Variants in EXOC5 observed in about 807,000 individuals in gnomAD.
EXOC5 encodes SEC10-like 1.
A neutral mutation model predicts 90.8 loss-of-function variants in EXOC5; 17 were observed. The ratio of observed to expected loss-of-function variants is 0.19; its 90% CI spans 0.13 to 0.28. The LOEUF (loss-of-function observed/expected upper bound fraction) is 0.28. Ranked by LOEUF, EXOC5 falls within the 10% of genes least tolerant of loss-of-function variation. The pLI is 1.00. For missense variants in EXOC5, 569 were observed against 830.6 expected (o/e 0.69, Z 3.87); for synonymous variants, 260 against 270.0 (o/e 0.96, Z 0.36).
At chr14:57,222,762 C>CACATATAT (rs1436534771) in intron 12 of EXOC5, among the ~76,000 whole-genome samples, 2 of 135,214 alleles carry the variant, frequency 1.5e-5, no homozygotes, top group African/African-American at 6.7e-5. Context: ...CACACACACA[C>CACATATAT]ATATATATAT....
intron 13 of EXOC5, among the ~76,000 whole-genome samples, chr14:57,220,796 T>C (rs919374492): frequency 6.6e-6 from 1 of 152,042 alleles, no homozygotes; most frequent in Non-Finnish European, 1.5e-5. Context: ...CGAGATTCTG[T>C]CTCAAAAATA....
At chr14:57,217,425 C>T (rs1280917482) in intron 15 of EXOC5, among the ~76,000 whole-genome samples, 1 of 152,092 alleles carries the variant, frequency 6.6e-6, no homozygotes, top group African/African-American at 2.4e-5. Context: ...TTTGGTAATC[C>T]TTACAATATT....
chr14:57,268,768 G>C lies in EXOC5; in HGVS notation c.-120C>G. ...GCCAGCTCCGGCTCCGGGCCGCTGC[G>C]GGCTCCCCAGCTCCCCACAGATCCC... is the stretch of plus-strand genomic sequence containing the variant. On this transcript the variant is annotated 5_prime_UTR_variant, in exon 1 of 18. Transcript: ENST00000621441. The C allele has an allele frequency of 6.9e-7, 1 of 1,458,128 alleles. No individual in the cohort carries two copies. The highest frequency in any genetic ancestry group is 9.0e-7 in the Non-Finnish European group (1 of 1,110,260). 90.3% of individuals were successfully genotyped at this position (1,458,128 alleles called of 1,614,324 possible).
Position 57,206,930 on chromosome 14 carries a change from T to TAATA in EXOC5, c.*1678_*1679insTATT, listed in dbSNP as rs1465331664. ...ACTACTGCCTTAAAATTGTTGGCTT[T>TAATA]AAGTAACAGAGGTAAAATTTGAATT... On this transcript the variant is annotated 3_prime_UTR_variant, in exon 18 of 18. Coordinates refer to ENST00000621441, the MANE Select transcript of EXOC5 (RefSeq NM_006544.4). The TAATA allele has an allele frequency of 6.6e-6, 1 of 152,460 alleles. No homozygotes were observed. The highest frequency in any genetic ancestry group is 1.5e-5 in the Non-Finnish European group (1 of 67,940). 9.4% of individuals were successfully genotyped at this position (152,460 alleles called of 1,614,324 possible).
Position 57,231,545 on chromosome 14 carries a change from T to C in EXOC5, c.1109A>G (p.Asp370Gly). Residue 370 changes from aspartate (D) to glycine (G), a missense_variant, in exon 11 of 18, where the codon GAT (aspartate) becomes GGT (glycine). Transcript: ENST00000621441. The part of the protein sequence containing the change: ...RSAMILQRYY[D>G]SKNHQKRSIG... ...GGATCTCTTTTGATGGTTTTTCGAA[T>C]CATAATAGCGCTGTAGGATCATAGC... The C allele has an allele frequency of 6.2e-7, 1 of 1,611,864 alleles. No individual in the cohort carries two copies. The highest frequency in any genetic ancestry group is 1.7e-5 in the Admixed American group (1 of 59,934).
chr14:57,230,601 C>T (rs2139633895), intron 11 of EXOC5, among the ~76,000 whole-genome samples: 1 of 152,228 alleles, frequency 6.6e-6, no homozygotes, highest in Non-Finnish European at 1.5e-5. Flanking sequence ...TCGATATATA[C>T]ATGTGGGGAT....
intron 15 of EXOC5, 91 bp downstream of exon 15, chr14:57,217,891 T>G: frequency 1.4e-6 from 1 of 703,346 alleles, no homozygotes; most frequent in Admixed American, 2.7e-5. Flanking sequence ...TTAAGATAAA[T>G]ATTTTTCTTC....
At chr14:57,268,442 C>A in intron 1 of EXOC5, 180 bp downstream of exon 1, 1 of 1,476,974 alleles carries the variant, frequency 6.8e-7, no homozygotes, top group Non-Finnish European at 9.0e-7. Context: ...CCCAAGCACC[C>A]CTCCCCCATT....
intron 10 of EXOC5, 88 bp downstream of exon 10, chr14:57,232,579 A>G: frequency 1.7e-6 from 1 of 587,210 alleles, no homozygotes. Context: ...TGACAAACTT[A>G]TTCAAAAATA....
chr14:57,221,797 T>C (rs1883148493), intron 13 of EXOC5, among the ~76,000 whole-genome samples: 1 of 152,160 alleles, frequency 6.6e-6, no homozygotes, highest in African/African-American at 2.4e-5. Context: ...TTGGATATGT[T>C]AAGTTTGAGA....
At chr14:57,227,976 G>A (rs914355153) in intron 12 of EXOC5, among the ~76,000 whole-genome samples, 6 of 126,588 alleles carry the variant, frequency 4.7e-5, no homozygotes, top group East Asian at 2.3e-4. Flanking sequence ...ACACACACAC[G>A]TATGTAAACT....
chr14:57,244,817 TA>T (rs1417944765), intron 3 of EXOC5, among the ~76,000 whole-genome samples: 1 of 152,052 alleles, frequency 6.6e-6, no homozygotes, highest in Non-Finnish European at 1.5e-5. Flanking sequence ...GACAACATGG[TA>T]AAACCCAATC....
Position 57,206,426 on chromosome 14 carries a change from T to A in EXOC5, c.*2183A>T, listed in dbSNP as rs528521902. Reference sequence around the variant, plus strand: ...AGAAAGACCATCTGTTTAGGATAAATTTCTAGTCTTGTTTATATAGTCAAG... The same window carrying A: ...AGAAAGACCATCTGTTTAGGATAAAATTCTAGTCTTGTTTATATAGTCAAG... On this transcript the variant is annotated 3_prime_UTR_variant, in exon 18 of 18. Transcript: ENST00000621441. 108 of 153,094 alleles carry A rather than the reference T, an allele frequency of 7.1e-4. No individual in the cohort carries two copies. The highest frequency in any genetic ancestry group is 2.4e-3 in the African/African-American group (99 of 41,548). The allele number at this position is 153,094 out of a possible 1,614,324, so 9.5% of individuals were successfully genotyped here.
rs116089235 is a variant in EXOC5 at position 57,255,015 on chromosome 14, T to C, written c.28-7303A>G. 2.3e-3 allele frequency among the ~76,000 whole-genome samples: 354 copies of C among 152,310 alleles called. 2 individuals carry two copies. The highest frequency in any genetic ancestry group is 8.0e-3 in the African/African-American group (332 of 41,572). On this transcript the variant is annotated intron_variant, in intron 1 of 17. Coordinates refer to ENST00000621441, the MANE Select transcript of EXOC5 (RefSeq NM_006544.4). ...AACTGGATGCAAAGTATGAAGTTCTTTGTATAACATGTTAGCACCAGAGAA... is the reference window on the plus strand; with the variant it reads ...AACTGGATGCAAAGTATGAAGTTCTCTGTATAACATGTTAGCACCAGAGAA...
At chr14:57,216,545 T>C (rs575645193) in intron 15 of EXOC5, among the ~76,000 whole-genome samples, 2 of 152,080 alleles carry the variant, frequency 1.3e-5, no homozygotes, top group East Asian at 1.9e-4. Flanking sequence ...AGGGAAAGGA[T>C]AGTCTCCTCT....
chr14:57,268,742 C>G lies in EXOC5; in HGVS notation c.-94G>C. On this transcript the variant is annotated 5_prime_UTR_variant, in exon 1 of 18. Coordinates refer to ENST00000621441, the MANE Select transcript of EXOC5 (RefSeq NM_006544.4). ...GCGGCGCACAGGTCTCCGCTCGGCT[C>G]GCCAGCTCCGGCTCCGGGCCGCTGC... The G allele has an allele frequency of 6.7e-7, 1 of 1,489,024 alleles. No homozygotes were observed. Among genetic ancestry groups the G allele is most frequent in the Admixed American group, 2.2e-5 (1 of 45,188 alleles). 92.2% of individuals were successfully genotyped at this position (1,489,024 alleles called of 1,614,324 possible). A position where few individuals can be genotyped will look rare whatever the true frequency, so the allele number is the denominator to read the frequency against.
chr14:57,231,755 T>C, intron 10 of EXOC5, 40 bp from the exon 11 acceptor site: 2 of 1,328,098 alleles, frequency 1.5e-6, no homozygotes. Flanking sequence ...TAATATACAT[T>C]TTAGGTATAG....
At chr14:57,232,210 A>G (rs1883507978) in intron 10 of EXOC5, 1 of 154,692 alleles carries the variant, frequency 6.5e-6, no homozygotes, top group African/African-American at 2.4e-5. Context: ...TCCCAAAATG[A>G]AGACACTGAA....
chr14:57,253,301 C>A (rs1313195041), intron 1 of EXOC5, among the ~76,000 whole-genome samples: 1 of 151,942 alleles, frequency 6.6e-6, no homozygotes, highest in Non-Finnish European at 1.5e-5. Context: ...CCAAAAAGAA[C>A]AAAGTATTTA....
Sources: gnomAD v4.1 joint callset for allele counts (sites outside exome capture counted in the v4.1 genomes callset) on GRCh38, gnomAD v4.1.1 for gene constraint, MANE v1.5 for transcripts, NCBI Gene and HGNC (gene_info 2026-07-23, HGNC 2026-07-21) for gene names.